TRMT11: variants seen among roughly 807,000 people sequenced by gnomAD.
TRMT11 encodes tRNA (guanine(10)-N(2))-methyltransferase TRMT11.
Under a neutral mutation model 62.8 loss-of-function variants are expected in TRMT11, and 53 were observed. That is an observed-to-expected ratio of 0.84 (90% confidence interval 0.68 to 1.06). TRMT11 has a LOEUF of 1.06. Ranked by LOEUF, TRMT11 falls within the 50% of genes least tolerant of loss-of-function variation. The pLI is 0.00. For missense variants in TRMT11, 556 were observed against 553.4 expected, an observed-to-expected ratio of 1.00 and a Z score of -0.05; for synonymous variants, 188 against 190.3, an observed-to-expected ratio of 0.99 and a Z score of 0.10.
chr6:126,192,821 A>T (rs1369603016), intron 1 of TRMT11, among the ~76,000 whole-genome samples: 1 of 152,064 alleles, frequency 6.6e-6, no homozygotes, highest in Non-Finnish European at 1.5e-5. Flanking sequence ...TATCTCATTA[A>T]TGTGTTTGCT....
chr6:126,123,192 C>G (rs1161180600), intron 21 of TRMT11, among the ~76,000 whole-genome samples: 1 of 152,086 alleles, frequency 6.6e-6, no homozygotes, highest in East Asian at 1.9e-4. Context: ...TCAACAAAAG[C>G]TAGCAATTCC....
intron 17 of TRMT11, among the ~76,000 whole-genome samples, chr6:126,059,095 G>T (rs1057056356): frequency 4.8e-5 from 7 of 146,640 alleles, no homozygotes; most frequent in African/African-American, 7.8e-5. Flanking sequence ...TGTTACCCAG[G>T]CTGGTCTCAG....
At chr6:126,015,316 TC>T (rs1451727916) in intron 11 of TRMT11, among the ~76,000 whole-genome samples, 19 of 82,444 alleles carry the variant, frequency 2.3e-4, no homozygotes, top group African/African-American at 1.0e-3. Context: ...AGCTCCGCCT[TC>T]CGGGTTCACG....
chr6:126,167,663 G>A (rs1778284180), intron 21 of TRMT11, among the ~76,000 whole-genome samples: 1 of 152,270 alleles, frequency 6.6e-6, no homozygotes, highest in South Asian at 2.1e-4. Flanking sequence ...TGAGGAGAAG[G>A]CAATGCTCTT....
intron 8 of TRMT11, among the ~76,000 whole-genome samples, chr6:126,010,363 A>G (rs980781471): frequency 3.3e-5 from 5 of 151,874 alleles, no homozygotes; most frequent in Non-Finnish European, 7.4e-5. Flanking sequence ...ATGTTTATAT[A>G]TTGTTTTTTT....
chr6:126,085,540 G>A (rs768644252), intron 17 of TRMT11, among the ~76,000 whole-genome samples: 5 of 152,044 alleles, frequency 3.3e-5, no homozygotes, highest in African/African-American at 9.7e-5. Flanking sequence ...TGTTTCCTCC[G>A]GCCCTGATCG....
chr6:125,998,064 A>G lies in TRMT11; in HGVS notation c.224A>G (p.Glu75Gly). ...CATTTATTTCCTAGGTCTATATTTG[A>G]ACTATGGGGTCATGGACAATCTCCT... ...KRTVCAKSIF[E>G]LWGHGQSPEE... Residue 75 changes from glutamate (E) to glycine (G), a missense_variant, in exon 4 of 13, where the codon GAA becomes GGA. Coordinates refer to ENST00000334379, the MANE Select transcript of TRMT11 (RefSeq NM_001031712.3). 1 of 1,611,588 alleles carries G rather than the reference A, an allele frequency of 6.2e-7. No homozygotes were observed. Among genetic ancestry groups the G allele is most frequent in the Non-Finnish European group, 8.5e-7 (1 of 1,178,296 alleles).
chr6:126,258,753 T>C, the TRMT11 span, among the ~76,000 whole-genome samples: 4 of 152,174 alleles, frequency 2.6e-5, no homozygotes, highest in African/African-American at 7.2e-5. Flanking sequence ...TTTTTTGGGG[T>C]ATTTTTTTCT....
In TRMT11 at chr6:126,093,615, A is replaced by T. The variant is rs1320136992; in HGVS notation, c.*1438-19251A>T. 3.0e-3 allele frequency among the ~76,000 whole-genome samples: 265 copies of T among 89,020 alleles called. 6 individuals are homozygous for T. Among genetic ancestry groups the T allele is most frequent in the African/African-American group, 0.016 (194 of 12,178 alleles). The allele number at this position is 89,020 out of a possible 152,430, so 58.4% of individuals were successfully genotyped here. ...TATATATATATATATATATATATAT[A>T]TATATATATATATATATTTTCCCCC... On this transcript the variant is annotated intron_variant and NMD_transcript_variant, in intron 17 of 22. Transcript: ENST00000648977.
chr6:125,992,439 A>G (rs542453150), intron 1 of TRMT11, among the ~76,000 whole-genome samples: 1 of 152,346 alleles, frequency 6.6e-6, no homozygotes, highest in African/African-American at 2.4e-5. Context: ...AATTTAATCT[A>G]TAACTTTATT....
chr6:126,061,503 T>A (rs2128126844), intron 17 of TRMT11, among the ~76,000 whole-genome samples: 1 of 152,258 alleles, frequency 6.6e-6, no homozygotes, highest in South Asian at 2.1e-4. Context: ...ACTTTCTACT[T>A]GCATGACAGT....
chr6:126,253,664 C>G, the TRMT11 span, among the ~76,000 whole-genome samples: 1 of 152,138 alleles, frequency 6.6e-6, no homozygotes, highest in African/African-American at 2.4e-5. Context: ...ACAGGACCAT[C>G]GTCATATATG....
intron 17 of TRMT11, among the ~76,000 whole-genome samples, chr6:126,066,784 A>G (rs991869572): frequency 2.0e-5 from 3 of 152,120 alleles, no homozygotes; most frequent in Non-Finnish European, 4.4e-5. Flanking sequence ...CACATGGCTT[A>G]TCAGTGATGA....
the TRMT11 span, among the ~76,000 whole-genome samples, chr6:126,256,582 C>T: frequency 6.6e-6 from 1 of 152,266 alleles, no homozygotes; most frequent in African/African-American, 2.4e-5. Context: ...TTATTTGCAT[C>T]TCAAATCCAC....
chr6:126,258,865 G>A, the TRMT11 span, among the ~76,000 whole-genome samples: 6 of 151,982 alleles, frequency 3.9e-5, no homozygotes, highest in Admixed American at 3.9e-4. Flanking sequence ...ACACGTGCAG[G>A]TTTGTTACAT....
chr6:126,191,310 T>C (rs1778596362), intron 1 of TRMT11, among the ~76,000 whole-genome samples: 1 of 152,106 alleles, frequency 6.6e-6, no homozygotes. Flanking sequence ...TCTTTTTAGC[T>C]ATTGAATTGA....
intron 12 of TRMT11, 57 bp downstream of exon 12, chr6:126,021,337 C>A: frequency 6.3e-7 from 1 of 1,581,698 alleles, no homozygotes; most frequent in Non-Finnish European, 8.7e-7. Flanking sequence ...GTAGTTGTTT[C>A]TAAATAGTTT....
chr6:126,261,691 A>C, the TRMT11 span, among the ~76,000 whole-genome samples: 1 of 152,200 alleles, frequency 6.6e-6, no homozygotes, highest in Non-Finnish European at 1.5e-5. Context: ...AAGTTTCTTC[A>C]GCTGTAATCA....
chr6:126,051,734 C>A (rs906291802), intron 16 of TRMT11, among the ~76,000 whole-genome samples: 1 of 151,998 alleles, frequency 6.6e-6, no homozygotes, highest in African/African-American at 2.4e-5. Flanking sequence ...TGAGTGGGTA[C>A]AAACTGGAAT....
Sources: gnomAD v4.1 joint callset for allele counts (sites outside exome capture counted in the v4.1 genomes callset) on GRCh38, gnomAD v4.1.1 for gene constraint, MANE v1.5 for transcripts, NCBI Gene and HGNC (gene_info 2026-07-23, HGNC 2026-07-21) for gene names.